Variants in GPR107 observed in about 807,000 individuals in gnomAD.
The protein encoded by GPR107 is G protein-coupled receptor 107.
Under a neutral mutation model 75.5 loss-of-function variants are expected in GPR107, and 31 were observed. That is an observed-to-expected ratio of 0.41 (90% CI 0.31 to 0.55). GPR107 has a LOEUF of 0.55. Ranked by LOEUF, GPR107 falls within the 20% of genes least tolerant of loss-of-function variation. The pLI is 0.26. For synonymous variants in GPR107, 267 were observed against 251.3 expected (o/e 1.06, Z -0.59); for missense variants, 572 against 665.7 (o/e 0.86, Z 1.55).
rs11442007 is a variant in GPR107, at chr9:130,056,924, C to CAAAAAAAAAA, written c.141+2869_141+2878dup. ...TGGGTGACAGAGCGAGACTCCTTCT[C>CAAAAAAAAAA]AAAAAAAAAAAAAAAAAAAAAAAAA... On this transcript the variant is annotated intron_variant, in intron 1 of 17. Coordinates refer to ENST00000347136, the MANE Select transcript of GPR107 (RefSeq NM_020960.5). 8.4e-4 allele frequency among the ~76,000 whole-genome samples: 36 copies of CAAAAAAAAAA among 42,894 alleles called. 3 individuals carry two copies. The highest frequency in any genetic ancestry group is 3.1e-3 in the African/African-American group (27 of 8,644). 28.1% of individuals were successfully genotyped at this position (42,894 alleles called of 152,430 possible).
intron 4 of GPR107, among the ~76,000 whole-genome samples, chr9:130,078,083 T>C (rs4837454): frequency 0.58 from 88,216 of 151,530 alleles, 25,747 homozygotes; most frequent in East Asian, 0.79. Flanking sequence ...GAGAATGGTG[T>C]GAACCCAGGA....
intron 6 of GPR107, among the ~76,000 whole-genome samples, chr9:130,086,156 G>A (rs1830610427): frequency 6.6e-6 from 1 of 152,158 alleles, no homozygotes; most frequent in African/African-American, 2.4e-5. Flanking sequence ...TAGACAAGCT[G>A]TCTAGCCGAA....
At chr9:130,076,570 G>C in intron 3 of GPR107, 108 bp downstream of exon 3, 1 of 764,764 alleles carries the variant, frequency 1.3e-6, no homozygotes, top group Non-Finnish European at 2.3e-6. Flanking sequence ...TTTGGAGTAC[G>C]GTGGCACAAT....
chr9:130,112,306 G>A lies in GPR107; in HGVS notation c.1306+4767G>A, dbSNP rs914449408. Among the ~76,000 whole-genome samples the A allele has an allele frequency of 1.3e-5, 2 of 152,242 alleles. No homozygotes were observed. Among genetic ancestry groups the A allele is most frequent in the South Asian group, 2.1e-4 (1 of 4,834 alleles). On this transcript the variant is annotated intron_variant, in intron 14 of 17. Coordinates refer to ENST00000347136, the MANE Select transcript of GPR107 (RefSeq NM_020960.5). The surrounding 1 kb of genome is among the most constrained non-coding windows in gnomAD (Gnocchi z 4.0). ...GCTCTGAAAGGAGCCGCGACCATGC[G>A]AGGCATTTGTTAGGGCAGCGGTTCT...
intron 10 of GPR107, 66 bp from the exon 11 acceptor site, chr9:130,100,563 T>C: frequency 8.7e-7 from 1 of 1,148,632 alleles, no homozygotes; most frequent in South Asian, 1.2e-5. Flanking sequence ...TGGGTCCAAG[T>C]TAAAAGATTC....
chr9:130,100,965 C>G, intron 11 of GPR107, 141 bp from the exon 12 acceptor site: 2 of 693,892 alleles, frequency 2.9e-6, no homozygotes, highest in South Asian at 1.7e-5. Flanking sequence ...GGAAGTGGTG[C>G]TCATGTATGA....
chr9:130,099,005 T>G (rs1436382991), intron 9 of GPR107, among the ~76,000 whole-genome samples: 1 of 144,138 alleles, frequency 6.9e-6, no homozygotes, highest in African/African-American at 2.5e-5. Flanking sequence ...AGAACGATAC[T>G]CTTGTCTCAA....
chr9:130,130,244 T>TA (rs1478307568), intron 17 of GPR107, among the ~76,000 whole-genome samples: 1 of 152,230 alleles, frequency 6.6e-6, no homozygotes, highest in Non-Finnish European at 1.5e-5. Flanking sequence ...ATCAGCAAGT[T>TA]AAAAAGTATC....
At chr9:130,060,099 G>C (rs1355671044) in intron 1 of GPR107, among the ~76,000 whole-genome samples, 1 of 151,500 alleles carries the variant, frequency 6.6e-6, no homozygotes, top group Non-Finnish European at 1.5e-5. Flanking sequence ...GTCTCATCCT[G>C]TCCCCCAGGC....
intron 1 of GPR107, among the ~76,000 whole-genome samples, chr9:130,056,757 C>A (rs71501104): frequency 6.6e-6 from 1 of 151,350 alleles, no homozygotes; most frequent in East Asian, 2.0e-4. Context: ...AACCCCGTCT[C>A]TACTAAAAAT....
At chr9:130,111,646 A>G (rs1466638946) in intron 14 of GPR107, among the ~76,000 whole-genome samples, 1 of 151,778 alleles carries the variant, frequency 6.6e-6, no homozygotes, top group East Asian at 1.9e-4. Flanking sequence ...TCCTTCCTGC[A>G]TTGGGGTGAA....
chr9:130,125,597 CTTTTTTTTTTTT>C (rs71387321), intron 15 of GPR107, among the ~76,000 whole-genome samples: 5 of 103,136 alleles, frequency 4.8e-5, no homozygotes, highest in Non-Finnish European at 3.8e-5. Context: ...ATCTGAGTTC[CTTTTTTTTTTTT>C]TTTTTTTTTT....
intron 17 of GPR107, among the ~76,000 whole-genome samples, chr9:130,133,767 T>C (rs1296487324): frequency 4.6e-5 from 7 of 152,218 alleles, no homozygotes; most frequent in African/African-American, 9.6e-5. Flanking sequence ...AACTTTGCCA[T>C]AAGTACAAAT....
intron 17 of GPR107, 54 bp downstream of exon 17, chr9:130,128,815 AG>A (rs1236320955): frequency 1.3e-6 from 2 of 1,572,926 alleles, no homozygotes; most frequent in Non-Finnish European, 1.7e-6. Context: ...CCTAACACAA[AG>A]CAGCACAGTG....
chr9:130,065,247 C>T (rs1304089733), intron 1 of GPR107, among the ~76,000 whole-genome samples: 2 of 150,500 alleles, frequency 1.3e-5, no homozygotes, highest in Non-Finnish European at 3.0e-5. Flanking sequence ...GTCAGGAGTT[C>T]GAGACCAGCC....
chr9:130,067,536 C>T (rs550418608), intron 1 of GPR107, among the ~76,000 whole-genome samples: 5 of 152,118 alleles, frequency 3.3e-5, no homozygotes, highest in South Asian at 4.1e-4. Flanking sequence ...GAAGACAGCC[C>T]GTTTGCCAGC....
intron 14 of GPR107, among the ~76,000 whole-genome samples, chr9:130,120,572 C>G (rs1223320742): frequency 6.6e-6 from 1 of 152,222 alleles, no homozygotes; most frequent in African/African-American, 2.4e-5. Context: ...CCTTGTTGCT[C>G]TTCCTTCTTT....
At chr9:130,089,639 T>A (rs978509125) in intron 7 of GPR107, among the ~76,000 whole-genome samples, 8 of 152,174 alleles carry the variant, frequency 5.3e-5, no homozygotes, top group South Asian at 2.1e-4. Context: ...ATTGATTTTT[T>A]AAAAAAAATT....
chr9:130,133,027 C>G (rs1216188504), intron 17 of GPR107: 3 of 152,220 alleles, frequency 2.0e-5, no homozygotes, highest in Admixed American at 6.5e-5. Flanking sequence ...TTCCCCGATT[C>G]CCCGGCAGAG....
Sources: allele counts gnomAD v4.1 joint callset (sites outside exome capture counted in the v4.1 genomes callset), GRCh38; gene constraint gnomAD v4.1.1; non-coding constraint Gnocchi (gnomAD v3.1); transcripts MANE v1.5; gene names NCBI Gene and HGNC (gene_info 2026-07-23, HGNC 2026-07-21).